KCNH2: variants seen among roughly 807,000 people sequenced by gnomAD.
KCNH2 encodes voltage-gated inwardly rectifying potassium channel KCNH2.
In KCNH2, 35 loss-of-function variants were observed where a neutral mutation model predicts 95.9. That is an observed-to-expected ratio of 0.37 (90% CI 0.28 to 0.48). The LOEUF is 0.48. Ranked by LOEUF, KCNH2 falls within the 20% of genes least tolerant of loss-of-function variation. The pLI, the probability that KCNH2 is intolerant of heterozygous loss-of-function variation, is 0.99. For synonymous variants in KCNH2, 786 were observed against 754.7 expected, an observed-to-expected ratio of 1.04 and a Z score of -0.68; for missense variants, 1,274 against 1,702.9, an observed-to-expected ratio of 0.75 and a Z score of 4.43.
intron 8 of KCNH2, 114 bp from the exon 9 acceptor site, chr7:150,950,534 G>A (rs1056909961): frequency 9.7e-5 from 134 of 1,374,588 alleles, no homozygotes; most frequent in Middle Eastern, 2.6e-4. Context: ...CCAGGCCTGG[G>A]AGATCTCGGA....
chr7:150,950,452 C>T, intron 8 of KCNH2, 32 bp from the exon 9 acceptor site: 2 of 1,607,168 alleles, frequency 1.2e-6, no homozygotes, highest in Non-Finnish European at 1.7e-6. Flanking sequence ...CTCAGCACAC[C>T]CTCCCTTGGG....
At chr7:150,964,038 G>A (rs537704288) in intron 2 of KCNH2, among the ~76,000 whole-genome samples, 2 of 152,336 alleles carry the variant, frequency 1.3e-5, no homozygotes, top group East Asian at 3.9e-4. Context: ...CGAGGTCAGG[G>A]GCTCCACCCA....
chr7:150,954,595 G>A (rs1417082049), intron 5 of KCNH2, among the ~76,000 whole-genome samples: 1 of 152,218 alleles, frequency 6.6e-6, no homozygotes, highest in Non-Finnish European at 1.5e-5. Context: ...GCTTGCTTAA[G>A]CCAAACCCTG....
At chr7:150,949,790 C>T in intron 9 of KCNH2, 1 of 1,214,092 alleles carries the variant, frequency 8.2e-7, no homozygotes, top group Non-Finnish European at 1.1e-6. Context: ...GTCAAGGGGC[C>T]AGGCATGAGG....
chr7:150,963,397 C>T (rs926201931), intron 2 of KCNH2, among the ~76,000 whole-genome samples: 13 of 152,134 alleles, frequency 8.5e-5, no homozygotes, highest in African/African-American at 3.1e-4. Flanking sequence ...TGCCCACCCC[C>T]TAGGGCCGTA....
In KCNH2 at chr7:150,947,728, C is replaced by T. The variant is rs199473011; in HGVS notation, c.2843G>A (p.Arg948His). 2.2e-5 allele frequency: 35 copies of T among 1,564,888 alleles called. No homozygotes were observed. The highest frequency in any genetic ancestry group is 1.9e-4 in the Admixed American group (10 of 53,484). The part of the protein sequence containing the change: ...PESSEDEGPG[R>H]SSSPLRLVPF... The stretch of plus-strand genomic sequence containing the variant: ...CACCAGGCGGAGGGGGCTGGAGCTG[C>T]GGCCTGGGCCCTCATCCTCACTGCT... The change falls in exon 12 of 15, where the codon CGC becomes CAC. Residue 948 changes from arginine (R) to histidine (H), a missense_variant. This residue lies in a region of KCNH2 where 457 missense variants were observed against 416.1 expected (regional missense o/e 1.10). Transcript: ENST00000262186.
rs776830887 is a variant in KCNH2 at position 150,949,039 on chromosome 7, G to A, written c.2409C>T (p.Asp803=). ...ACAGGTTCAGAGGCTCCCCAAAGAT[G>A]TCATTCTTCCCTGGAGGCCATGGAG... is the stretch of plus-strand genomic sequence containing the variant. ...DVVVAILGKN[D]IFGEPLNLYA... is the part of the protein sequence containing the mutation. The change falls in exon 10 of 15, where the codon GAC becomes GAT. Residue 803 remains aspartate, a synonymous_variant. Coordinates refer to ENST00000262186, the MANE Select transcript of KCNH2 (RefSeq NM_000238.4). The A allele has an allele frequency of 3.7e-6, 6 of 1,613,968 alleles. No individual in the cohort carries two copies. Among genetic ancestry groups the A allele is most frequent in the Admixed American group, 1.7e-5 (1 of 59,998 alleles).
intron 5 of KCNH2, chr7:150,955,264 A>T: frequency 4.4e-6 from 4 of 918,416 alleles, no homozygotes; most frequent in Middle Eastern, 2.7e-4. Flanking sequence ...GAGCAGGGCC[A>T]GGCCCCACGG....
chr7:150,952,786 G>A lies in KCNH2; in HGVS notation c.1196C>T (p.Thr399Ile). ...KLQAPRIHRW[T>I]ILHYSPFKAV... ...CTTGAAGGGGCTGTAATGCAGGATG[G>A]TCCAGCGGTGGATGCGCGGTGCCTG... Residue 399 changes from threonine to isoleucine, a missense_variant, in exon 6 of 15, where the codon ACC becomes ATC. By Grantham distance (89) the Thr-to-Ile change is moderately conservative. This residue lies in a region of KCNH2 where 392 missense variants were observed against 429.9 expected (regional missense o/e 0.91). Coordinates refer to ENST00000262186, the MANE Select transcript of KCNH2 (RefSeq NM_000238.4). This position sits in a 1 kb window ranked among gnomAD's most constrained non-coding sequence, Gnocchi z 7.3. The A allele has an allele frequency of 6.2e-7, 1 of 1,614,136 alleles. No individual in the cohort carries two copies. Among genetic ancestry groups the A allele is most frequent in the Non-Finnish European group, 8.5e-7 (1 of 1,180,016 alleles).
At position 150,946,989 on chromosome 7, in the gene KCNH2, A is replaced by C. The variant is rs1029745712; in HGVS notation, c.3218T>G (p.Leu1073Arg). Residue 1073 changes from leucine to arginine, a missense_variant, in exon 14 of 15, where the codon CTG becomes CGG. By Grantham distance (102) the Leu-to-Arg change is moderately radical (BLOSUM62 -2). Transcript: ENST00000262186. This position sits in a 1 kb window ranked among gnomAD's most constrained non-coding sequence, Gnocchi z 6.5. ...VLQLLQRQMT[L>R]VPPAYSAVTT... is the part of the protein sequence containing the mutation. ...CACAGCACTGTAGGCGGGCGGGACC[A>C]GCGTCATCTGCCTCTGTAGCAGCTG... The C allele has an allele frequency of 6.2e-7, 1 of 1,610,730 alleles. No individual in the cohort carries two copies. The highest frequency in any genetic ancestry group is 1.3e-5 in the African/African-American group (1 of 74,954).
rs1801194661 is a variant in KCNH2 at position 150,952,067 on chromosome 7, C to T, written c.1558-232G>A. 6.6e-6 allele frequency among the ~76,000 whole-genome samples: 1 copy of T among 152,178 alleles called. No homozygotes were observed. Among genetic ancestry groups the T allele is most frequent in the Non-Finnish European group, 1.5e-5 (1 of 68,000 alleles). On this transcript the variant is annotated intron_variant, in intron 6 of 14. Coordinates refer to ENST00000262186, the MANE Select transcript of KCNH2 (RefSeq NM_000238.4). The surrounding 1 kb of genome is among the most constrained non-coding windows in gnomAD (Gnocchi z 7.3). ...TAGTGTGGATGAGGAAACAGGGGCA[C>T]TGACAGGTGCAGTGATCACCCTAGG...
intron 10 of KCNH2, 91 bp downstream of exon 10, chr7:150,948,765 G>T: frequency 8.0e-7 from 1 of 1,249,018 alleles, no homozygotes; most frequent in South Asian, 1.2e-5. Flanking sequence ...AACTGAGACA[G>T]AGAAGCATCA....
At position 150,957,448 on chromosome 7, in the gene KCNH2, AG is replaced by A; in HGVS notation, c.970del (p.Leu324SerfsTer36). The A allele has an allele frequency of 6.2e-7, 1 of 1,614,222 alleles. No individual in the cohort carries two copies. The highest frequency in any genetic ancestry group is 8.5e-7 in the Non-Finnish European group (1 of 1,180,036). On this transcript the variant is annotated frameshift_variant, in exon 5 of 15. Coordinates refer to ENST00000262186, the MANE Select transcript of KCNH2 (RefSeq NM_000238.4). LOFTEE classifies it high-confidence loss of function. The stretch of plus-strand genomic sequence containing the variant: ...CTTGCTAATGGTGCGGTAGCGCACG[AG>A]GTCGGAGTCCGAGGTGGAGTTGAGC... ...GLLNSTSDSD[L>X]VRYRTISKIP... is the part of the protein sequence containing the mutation.
intron 5 of KCNH2, 107 bp downstream of exon 5, chr7:150,957,184 G>T: frequency 1.1e-6 from 1 of 900,524 alleles, no homozygotes; most frequent in Non-Finnish European, 1.8e-6. Flanking sequence ...CCTCCAAGAG[G>T]CCCTCACTGG....
In KCNH2 at chr7:150,959,703, G is replaced by C. The variant is rs794728350; in HGVS notation, c.341C>G (p.Pro114Arg). 1 of 1,614,150 alleles carries C rather than the reference G, an allele frequency of 6.2e-7. No individual in the cohort carries two copies. Among genetic ancestry groups the C allele is most frequent in the Non-Finnish European group, 8.5e-7 (1 of 1,180,012 alleles). ...GACAGCCCCATCCTCGTTCTTCACG[G>C]GCACCACATCCACCAGACATAGGAA... ...SCFLCLVDVV[P>R]VKNEDGAVIM... Residue 114 changes from proline to arginine, a missense_variant, in exon 3 of 15, where the codon CCC becomes CGC. Pro to Arg is a moderately radical substitution (Grantham distance 103, BLOSUM62 -2). Coordinates refer to ENST00000262186, the MANE Select transcript of KCNH2 (RefSeq NM_000238.4).
chr7:150,947,443 G>C lies in KCNH2; in HGVS notation c.3037C>G (p.Pro1013Ala). The C allele has an allele frequency of 6.4e-7, 1 of 1,563,540 alleles. No homozygotes were observed. The highest frequency in any genetic ancestry group is 8.7e-7 in the Non-Finnish European group (1 of 1,154,352). The stretch of plus-strand genomic sequence containing the variant: ...CTGGGGGTGGGGGCGGGGCATCGAG[G>C]GAGCTCCTGGTACTGGCGGCCCCGA... ...DSRGRQYQELPRCPAPTPSLL... is the reference protein window; with the variant it reads ...DSRGRQYQELARCPAPTPSLL... The change falls in exon 13 of 15, where the codon CCT becomes GCT. Residue 1013 changes from proline (P) to alanine (A), a missense_variant. Physicochemically the swap from Pro to Ala is conservative, Grantham distance 27. Transcript: ENST00000262186.
rs1800844570 is a variant in KCNH2, at chr7:150,945,155, C to T, written c.*210G>A. On this transcript the variant is annotated 3_prime_UTR_variant, in exon 15 of 15. Coordinates refer to ENST00000262186, the MANE Select transcript of KCNH2 (RefSeq NM_000238.4). The surrounding 1 kb of genome is among the most constrained non-coding windows in gnomAD (Gnocchi z 5.6). ...CTCAGGGCAGTGGGGGGACCACAGG[C>T]CCCACCTACTGCCGGCCCTGCCCCT... The T allele has an allele frequency of 1.6e-6, 1 of 612,168 alleles. No individual in the cohort carries two copies. Among genetic ancestry groups the T allele is most frequent in the South Asian group, 2.1e-5 (1 of 46,932 alleles). 37.9% of individuals were successfully genotyped at this position (612,168 alleles called of 1,614,324 possible). A position where few individuals can be genotyped will look rare whatever the true frequency, so the allele number is the denominator to read the frequency against.
intron 2 of KCNH2, among the ~76,000 whole-genome samples, chr7:150,972,465 G>A (rs1801865616): frequency 6.6e-6 from 1 of 152,226 alleles, no homozygotes; most frequent in Non-Finnish European, 1.5e-5. Flanking sequence ...AGAAGCGGAG[G>A]CTGAGGAAAT....
Position 150,977,003 on chromosome 7 carries a change from C to G in KCNH2, c.76+835G>C, listed in dbSNP as rs41312532. 1.7e-3 allele frequency among the ~76,000 whole-genome samples: 255 copies of G among 152,266 alleles called. 4 individuals are homozygous for G. In the East Asian group the frequency reaches 0.043, roughly 26 times the overall value. ...CCAGGGCCCTTGGCAGTCACACCCA[C>G]TGTGGCTCATGCAGCCTTAGGGACA... is the stretch of plus-strand genomic sequence containing the variant. On this transcript the variant is annotated intron_variant, in intron 1 of 14. Transcript: ENST00000262186.
Sources: gnomAD v4.1 joint callset for allele counts (sites outside exome capture counted in the v4.1 genomes callset) on GRCh38, gnomAD v4.1.1 for gene constraint, gnomAD v4.1.1 regional missense constraint, Gnocchi (gnomAD v3.1) non-coding constraint, MANE v1.5 for transcripts, NCBI Gene and HGNC (gene_info 2026-07-23, HGNC 2026-07-21) for gene names.